RBFOX1: variants seen among roughly 807,000 people sequenced by gnomAD.
RBFOX1 encodes RNA binding protein fox-1 homolog 1.
Under a neutral mutation model 57.7 loss-of-function variants are expected in RBFOX1, and 8 were observed. That is an observed-to-expected ratio of 0.14 (90% CI 0.08 to 0.25). The LOEUF is 0.25. Ranked by LOEUF, RBFOX1 falls within the 10% of genes least tolerant of loss-of-function variation. The pLI, the probability that RBFOX1 is intolerant of heterozygous loss-of-function variation, is 1.00. For missense variants in RBFOX1, 611 were observed against 548.5 expected (o/e 1.11, Z -1.14); for synonymous variants, 326 against 222.4 (o/e 1.47, Z -4.15).
chr16:6,835,861 C>T (rs2093058983), intron 3 of RBFOX1, among the ~76,000 whole-genome samples: 1 of 151,508 alleles, frequency 6.6e-6, no homozygotes, highest in Non-Finnish European at 1.5e-5. Flanking sequence ...GGGACCCAGG[C>T]TCCTTCCCTA....
intron 4 of RBFOX1, among the ~76,000 whole-genome samples, chr16:7,333,961 T>A (rs1462979695): frequency 1.3e-5 from 2 of 152,158 alleles, no homozygotes; most frequent in African/African-American, 4.8e-5. Flanking sequence ...ATTCTGTATC[T>A]CCTTTCTACA....
At chr16:7,596,083 T>G (rs1239476267) in intron 8 of RBFOX1, among the ~76,000 whole-genome samples, 1 of 29,638 alleles carries the variant, frequency 3.4e-5, no homozygotes, top group African/African-American at 1.5e-4. Flanking sequence ...AAAAAGATTG[T>G]TTTTTTGTTT....
chr16:6,621,599 C>T (rs191844855), intron 2 of RBFOX1, among the ~76,000 whole-genome samples: 3 of 152,130 alleles, frequency 2.0e-5, no homozygotes, highest in Non-Finnish European at 4.4e-5. Flanking sequence ...TTCTCAGGTA[C>T]CAGGGACTAG....
chr16:7,104,377 C>T (rs540930943), intron 4 of RBFOX1, among the ~76,000 whole-genome samples: 7 of 152,202 alleles, frequency 4.6e-5, no homozygotes, highest in African/African-American at 1.7e-4. Context: ...CAGTCTGGTA[C>T]CTCATCCCCA....
At chr16:7,526,274 G>C (rs1024681930) in intron 5 of RBFOX1, among the ~76,000 whole-genome samples, 5 of 152,200 alleles carry the variant, frequency 3.3e-5, no homozygotes, top group Non-Finnish European at 5.9e-5. Context: ...TTTGGGGACT[G>C]CTGCCCTAGA....
intron 1 of RBFOX1, among the ~76,000 whole-genome samples, chr16:5,350,357 G>C (rs1318591537): frequency 6.6e-6 from 1 of 152,168 alleles, no homozygotes; most frequent in African/African-American, 2.4e-5. Context: ...GGGATGTTCT[G>C]GGAAACGGCT....
intron 2 of RBFOX1, among the ~76,000 whole-genome samples, chr16:6,515,706 C>G (rs1173700388): frequency 6.6e-6 from 1 of 152,152 alleles, no homozygotes; most frequent in Non-Finnish European, 1.5e-5. Context: ...CCCTCCCCTG[C>G]TTTGACTTCA....
At chr16:5,397,420 C>T (rs1183166862) in intron 1 of RBFOX1, among the ~76,000 whole-genome samples, 1 of 152,180 alleles carries the variant, frequency 6.6e-6, no homozygotes, top group South Asian at 2.1e-4. Flanking sequence ...TGCACTGAGC[C>T]AACCTGAAAC....
chr16:7,085,988 C>T (rs117278798), intron 4 of RBFOX1, among the ~76,000 whole-genome samples: 1,629 of 152,250 alleles, frequency 0.011, 15 homozygotes, highest in Non-Finnish European at 0.016. Context: ...TGATTGAGAA[C>T]TTGTCAGTTG....
intron 3 of RBFOX1, among the ~76,000 whole-genome samples, chr16:5,862,875 G>C (rs942403214): frequency 6.6e-6 from 1 of 152,158 alleles, no homozygotes; most frequent in Non-Finnish European, 1.5e-5. Context: ...CAGAGCCCCA[G>C]ACAGTGTTTG....
At chr16:7,471,925 G>C (rs950758532) in intron 4 of RBFOX1, among the ~76,000 whole-genome samples, 1 of 152,120 alleles carries the variant, frequency 6.6e-6, no homozygotes. Flanking sequence ...TCAAATGTCA[G>C]CACCGTTCAA....
intron 2 of RBFOX1, among the ~76,000 whole-genome samples, chr16:6,559,033 A>C (rs912784667): frequency 1.3e-5 from 2 of 151,100 alleles, no homozygotes; most frequent in Non-Finnish European, 2.9e-5. Flanking sequence ...TGCAACTCCA[A>C]CTCCCTAGGA....
Position 7,512,445 on chromosome 16 carries a change from C to G in RBFOX1, c.28-5702C>G, listed in dbSNP as rs759109091. 4.1e-4 allele frequency among the ~76,000 whole-genome samples: 63 copies of G among 152,280 alleles called. 1 individual carries two copies. Among genetic ancestry groups the G allele is most frequent in the Non-Finnish European group, 7.1e-4 (48 of 68,024 alleles). ...TACAATGGTCTTAATTAAATATTAG[C>G]TGTAATTAGCCTAAAGTGCAAATGT... On this transcript the variant is annotated intron_variant, in intron 4 of 15. Coordinates refer to ENST00000550418, the MANE Select transcript of RBFOX1 (RefSeq NM_018723.4).
intron 4 of RBFOX1, among the ~76,000 whole-genome samples, chr16:7,082,469 C>G (rs1408827651): frequency 6.6e-6 from 1 of 151,448 alleles, no homozygotes; most frequent in East Asian, 2.0e-4. Flanking sequence ...GTGGTCCCAG[C>G]TACTTGGGAG....
intron 4 of RBFOX1, among the ~76,000 whole-genome samples, chr16:7,147,924 C>T (rs530081534): frequency 1.3e-5 from 2 of 152,296 alleles, no homozygotes; most frequent in South Asian, 2.1e-4. Context: ...AACTAATTTA[C>T]ATTCTCACCA....
intron 2 of RBFOX1, among the ~76,000 whole-genome samples, chr16:5,529,623 A>C (rs147890252): frequency 6.6e-6 from 1 of 150,800 alleles, no homozygotes; most frequent in Non-Finnish European, 1.5e-5. Context: ...CTGGAGTGCA[A>C]TGGTGCAATT....
At chr16:6,010,769 C>A (rs1056032953) in intron 4 of RBFOX1, among the ~76,000 whole-genome samples, 5 of 152,168 alleles carry the variant, frequency 3.3e-5, no homozygotes, top group Non-Finnish European at 4.4e-5. Context: ...GTTCCAGAAT[C>A]CAACATTTTA....
At chr16:6,828,823 C>G (rs924711943) in intron 3 of RBFOX1, among the ~76,000 whole-genome samples, 29 of 152,226 alleles carry the variant, frequency 1.9e-4, no homozygotes, top group Non-Finnish European at 2.6e-4. Flanking sequence ...CATCACAATT[C>G]TAAGAAATTT....
chr16:5,503,906 C>G (rs1347900670), intron 2 of RBFOX1, among the ~76,000 whole-genome samples: 1 of 152,230 alleles, frequency 6.6e-6, no homozygotes, highest in Non-Finnish European at 1.5e-5. Context: ...CTTTCTATCT[C>G]TACAGATTTG....
Sources: allele counts gnomAD v4.1 joint callset (sites outside exome capture counted in the v4.1 genomes callset), GRCh38; gene constraint gnomAD v4.1.1; transcripts MANE v1.5; gene names NCBI Gene and HGNC (gene_info 2026-07-23, HGNC 2026-07-21).